ACCSL: variants seen among roughly 807,000 people sequenced by gnomAD.
ACCSL encodes the protein probable inactive 1-aminocyclopropane-1-carboxylate synthase-like protein 2.
A neutral mutation model predicts 61.7 loss-of-function variants in ACCSL; 55 were observed. The ratio of observed to expected loss-of-function variants is 0.89; its 90% CI spans 0.72 to 1.12. The LOEUF is 1.12. Among genes scored for constraint, ACCSL ranks in the 50% most tolerant of loss-of-function variants. ACCSL has a pLI of 0.00. For synonymous variants in ACCSL, 258 were observed against 264.3 expected, an observed-to-expected ratio of 0.98 and a Z score of 0.23; for missense variants, 632 against 698.0, an observed-to-expected ratio of 0.91 and a Z score of 1.07.
the ACCSL span, among the ~76,000 whole-genome samples, chr11:43,991,454 C>T: frequency 6.6e-6 from 1 of 152,208 alleles, no homozygotes; most frequent in East Asian, 1.9e-4. Flanking sequence ...ATGGTTCATG[C>T]TGGGCTCAGG....
chr11:43,973,179 A>T, the ACCSL span, among the ~76,000 whole-genome samples: 1 of 152,210 alleles, frequency 6.6e-6, no homozygotes, highest in African/African-American at 2.4e-5. Context: ...GAAAGACTAC[A>T]TAACATGACT....
At position 44,052,654 on chromosome 11, in the gene ACCSL, GT is replaced by G. The variant is rs753468171; in HGVS notation, c.773-5del. ...TGGACTGATAGCTCTGTCTCTCTGT[GT>G]TTCCAGAGGCCTTCCTGGTCCCTGC... On this transcript the variant is annotated splice_region_variant and splice_polypyrimidine_tract_variant and intron_variant, in intron 5 of 13. Coordinates refer to ENST00000378832, the MANE Select transcript of ACCSL (RefSeq NM_001031854.2). 6.2e-7 allele frequency: 1 copy of G among 1,612,560 alleles called. No homozygotes were observed. The highest frequency in any genetic ancestry group is 1.7e-5 in the Admixed American group (1 of 60,000).
the ACCSL span, among the ~76,000 whole-genome samples, chr11:44,007,135 C>A: frequency 6.6e-6 from 1 of 152,224 alleles, no homozygotes; most frequent in Non-Finnish European, 1.5e-5. Flanking sequence ...TACCACCTGG[C>A]AGGCCCTAGG....
the ACCSL span, among the ~76,000 whole-genome samples, chr11:43,950,236 T>TA: frequency 6.6e-6 from 1 of 152,364 alleles, no homozygotes; most frequent in East Asian, 1.9e-4. Context: ...CATATCTCCC[T>TA]AAAATGTATA....
the ACCSL span, among the ~76,000 whole-genome samples, chr11:43,976,485 T>C: frequency 6.6e-6 from 1 of 152,214 alleles, no homozygotes; most frequent in Admixed American, 6.5e-5. Flanking sequence ...TTTGTTAAGG[T>C]AATGAGAGCT....
In ACCSL at chr11:44,053,890, C is replaced by T. The variant is rs117508855; in HGVS notation, c.1049+384C>T. 3.8e-4 allele frequency among the ~76,000 whole-genome samples: 58 copies of T among 152,226 alleles called. 2 individuals carry two copies. In the East Asian group the frequency reaches 0.011, roughly 28 times the overall value. ...AAGTAATTTACCCTAAATGGTCTCA[C>T]TATACACCATACTTTGCAGAGTTAT... is the stretch of plus-strand genomic sequence containing the variant. On this transcript the variant is annotated intron_variant, in intron 8 of 13. Transcript: ENST00000378832.
At chr11:44,024,457 G>C in the ACCSL span, among the ~76,000 whole-genome samples, 12,268 of 150,954 alleles carry the variant, frequency 0.081, 540 homozygotes, top group African/African-American at 0.095. Flanking sequence ...GTGTGTGTGT[G>C]TGTGTGTGTG....
the ACCSL span, among the ~76,000 whole-genome samples, chr11:43,999,183 A>G: frequency 6.6e-6 from 1 of 152,198 alleles, no homozygotes; most frequent in South Asian, 2.1e-4. Flanking sequence ...CAATAATGAA[A>G]GCCAACATTT....
At chr11:43,988,517 A>G in the ACCSL span, among the ~76,000 whole-genome samples, 8 of 147,072 alleles carry the variant, frequency 5.4e-5, 1 homozygote, top group South Asian at 1.8e-3. Context: ...TCGGTGGCGT[A>G]GATGCAGTGA....
At chr11:44,059,147 C>T (rs1952691108) in intron 13 of ACCSL, among the ~76,000 whole-genome samples, 1 of 152,188 alleles carries the variant, frequency 6.6e-6, no homozygotes, top group African/African-American at 2.4e-5. Context: ...GGGGCTGAGG[C>T]AGGAGAATTG....
chr11:43,957,047 C>T, the ACCSL span, among the ~76,000 whole-genome samples: 3 of 152,046 alleles, frequency 2.0e-5, no homozygotes, highest in East Asian at 5.8e-4. Context: ...TCAGGGAGGG[C>T]GAAGGAACAA....
upstream of ACCSL, among the ~76,000 whole-genome samples, chr11:44,043,469 T>G (rs537627723): frequency 6.6e-6 from 1 of 152,252 alleles, no homozygotes; most frequent in African/African-American, 2.4e-5. Context: ...TGTTATTCCT[T>G]GAAAGGTACA....
At chr11:44,025,849 C>A in the ACCSL span, among the ~76,000 whole-genome samples, 1 of 152,176 alleles carries the variant, frequency 6.6e-6, no homozygotes, top group Non-Finnish European at 1.5e-5. Context: ...TTTCTTTCAG[C>A]ACTTTGAATA....
the ACCSL span, among the ~76,000 whole-genome samples, chr11:43,938,302 A>G: frequency 1.3e-5 from 2 of 152,086 alleles, no homozygotes; most frequent in Non-Finnish European, 2.9e-5. Context: ...GGGTGTTGAG[A>G]GTCTACCCTC....
chr11:43,929,020 A>G, the ACCSL span, among the ~76,000 whole-genome samples: 2 of 152,142 alleles, frequency 1.3e-5, no homozygotes, highest in African/African-American at 4.8e-5. Flanking sequence ...AGTCCAGTAG[A>G]CCTGGTTCTA....
the ACCSL span, among the ~76,000 whole-genome samples, chr11:43,936,145 T>C: frequency 6.6e-6 from 1 of 152,186 alleles, no homozygotes; most frequent in Non-Finnish European, 1.5e-5. Context: ...AGGGCCACGT[T>C]TGGGCATCAG....
At chr11:43,928,168 G>A in the ACCSL span, among the ~76,000 whole-genome samples, 37 of 152,146 alleles carry the variant, frequency 2.4e-4, no homozygotes, top group Admixed American at 2.6e-4. Flanking sequence ...GAGGGGAGAC[G>A]GTGGGGGAGG....
chr11:44,025,436 T>G, the ACCSL span, among the ~76,000 whole-genome samples: 4 of 152,150 alleles, frequency 2.6e-5, no homozygotes, highest in African/African-American at 9.6e-5. Context: ...ATACAAAAAC[T>G]TTATTTTAAC....
intron 9 of ACCSL, among the ~76,000 whole-genome samples, 200 bp downstream of exon 9, chr11:44,055,491 T>A (rs1347877189): frequency 1.3e-5 from 2 of 152,210 alleles, no homozygotes; most frequent in Admixed American, 6.5e-5. Flanking sequence ...GAAGATAATT[T>A]GAGGTCAAGG....
Sources: allele counts gnomAD v4.1 joint callset (sites outside exome capture counted in the v4.1 genomes callset), GRCh38; gene constraint gnomAD v4.1.1; transcripts MANE v1.5; gene names NCBI Gene and HGNC (gene_info 2026-07-23, HGNC 2026-07-21).